The following SPMAP2L variants were observed in gnomAD, a reference collection of about 807,000 sequenced individuals.
The protein encoded by SPMAP2L is sperm microtubule associated protein 2 like.
At chr4:56,618,994 A>T in the SPMAP2L span, among the ~76,000 whole-genome samples, 1 of 152,172 alleles carries the variant, frequency 6.6e-6, no homozygotes, top group Admixed American at 6.5e-5. Context: ...CCATGAAGAA[A>T]GGCAGACATA....
the SPMAP2L span, among the ~76,000 whole-genome samples, chr4:56,548,611 T>C: frequency 6.6e-6 from 1 of 152,220 alleles, no homozygotes; most frequent in African/African-American, 2.4e-5. Context: ...GTTTTTAAAA[T>C]ACTTAACTCC....
At chr4:56,618,122 G>A in the SPMAP2L span, among the ~76,000 whole-genome samples, 79 of 152,272 alleles carry the variant, frequency 5.2e-4, no homozygotes, top group African/African-American at 1.8e-3. Flanking sequence ...TCCTCACCTA[G>A]GTCCATGAGG....
At chr4:56,550,756 G>T in the SPMAP2L span, among the ~76,000 whole-genome samples, 1 of 152,102 alleles carries the variant, frequency 6.6e-6, no homozygotes, top group Admixed American at 6.5e-5. Flanking sequence ...TAAGGAAATT[G>T]TGCCATCTCC....
the SPMAP2L span, among the ~76,000 whole-genome samples, chr4:56,612,656 C>T: frequency 6.6e-6 from 1 of 152,106 alleles, no homozygotes; most frequent in Non-Finnish European, 1.5e-5. Context: ...CAATCTCCAC[C>T]GCCCGGGTTC....
chr4:56,582,031 G>C, the SPMAP2L span, among the ~76,000 whole-genome samples: 1 of 152,104 alleles, frequency 6.6e-6, no homozygotes, highest in African/African-American at 2.4e-5. Flanking sequence ...ATTGATCACA[G>C]ACCTAAATAT....
At chr4:56,566,134 TTC>T in the SPMAP2L span, among the ~76,000 whole-genome samples, 1 of 152,172 alleles carries the variant, frequency 6.6e-6, no homozygotes, top group Non-Finnish European at 1.5e-5. Flanking sequence ...TGCTGTTGTT[TTC>T]TGTTTATTCC....
At chr4:56,603,344 C>G in the SPMAP2L span, 2 of 1,503,774 alleles carry the variant, frequency 1.3e-6, no homozygotes, top group Non-Finnish European at 8.9e-7. Flanking sequence ...CCACAACAGT[C>G]AGACCCTGGT....
the SPMAP2L span, among the ~76,000 whole-genome samples, chr4:56,597,820 G>A: frequency 2.0e-5 from 3 of 152,100 alleles, no homozygotes; most frequent in Non-Finnish European, 2.9e-5. Flanking sequence ...ACTGAGAGTG[G>A]TGTTAGCTGT....
At chr4:56,530,756 G>T in the SPMAP2L span, 2 of 1,535,370 alleles carry the variant, frequency 1.3e-6, no homozygotes, top group Admixed American at 3.9e-5. Flanking sequence ...ATATCCACTT[G>T]CTCCGAAGTC....
chr4:56,608,314 C>A, the SPMAP2L span, among the ~76,000 whole-genome samples: 1 of 152,098 alleles, frequency 6.6e-6, no homozygotes, highest in Admixed American at 6.5e-5. Flanking sequence ...AAGTCTCAGC[C>A]TTGTCAAGTT....
chr4:56,619,459 A>T, the SPMAP2L span, among the ~76,000 whole-genome samples: 4 of 152,324 alleles, frequency 2.6e-5, no homozygotes, highest in South Asian at 8.3e-4. Flanking sequence ...TGACTGTTTT[A>T]GATACCTCAT....
chr4:56,570,658 C>T, the SPMAP2L span, among the ~76,000 whole-genome samples: 3 of 152,034 alleles, frequency 2.0e-5, no homozygotes, highest in African/African-American at 4.8e-5. Context: ...GGTGAGTGAA[C>T]ATGAAGGCCC....
chr4:56,601,161 GAGGGAGAAAGTTGACCTAATA>G, the SPMAP2L span: 1 of 1,475,502 alleles, frequency 6.8e-7, no homozygotes, highest in Non-Finnish European at 9.0e-7. Flanking sequence ...GTTCTGGGGA[GAGGGAGAAAGTTGACCTAATA>G]AGGCAAATGA....
the SPMAP2L span, among the ~76,000 whole-genome samples, chr4:56,589,189 A>G: frequency 6.6e-6 from 1 of 151,946 alleles, no homozygotes; most frequent in East Asian, 1.9e-4. Context: ...GAGTTTCACC[A>G]CGTTGGCCAG....
At chr4:56,531,259 G>C in the SPMAP2L span, 2 of 1,422,044 alleles carry the variant, frequency 1.4e-6, no homozygotes, top group Non-Finnish European at 1.8e-6. Flanking sequence ...TCTAGAACCG[G>C]GGGTCCTAAG....
the SPMAP2L span, chr4:56,559,477 C>A: frequency 1.3e-6 from 2 of 1,532,810 alleles, no homozygotes; most frequent in South Asian, 2.4e-5. Flanking sequence ...ACTTGAGAAC[C>A]TTGCCCAGCC....
At chr4:56,539,700 G>C in the SPMAP2L span, among the ~76,000 whole-genome samples, 1 of 152,180 alleles carries the variant, frequency 6.6e-6, no homozygotes, top group Admixed American at 6.5e-5. Context: ...GACGTTACAG[G>C]TGTGAGCCAC....
the SPMAP2L span, among the ~76,000 whole-genome samples, chr4:56,559,172 G>A: frequency 3.3e-5 from 5 of 151,672 alleles, no homozygotes; most frequent in African/African-American, 7.2e-5. Flanking sequence ...GTGGTGGTGC[G>A]TGCCTGTAAT....
chr4:56,582,692 A>G, the SPMAP2L span, among the ~76,000 whole-genome samples: 1 of 152,242 alleles, frequency 6.6e-6, no homozygotes, highest in Non-Finnish European at 1.5e-5. Context: ...TTATTATATA[A>G]GCCAGCAATT....
Sources: gnomAD v4.1 joint callset for allele counts (sites outside exome capture counted in the v4.1 genomes callset) on GRCh38, gnomAD v4.1.1 for gene constraint, MANE v1.5 for transcripts, NCBI Gene and HGNC (gene_info 2026-07-23, HGNC 2026-07-21) for gene names.